The following SPPL3 variants were observed in gnomAD, a reference collection of about 807,000 sequenced individuals.
SPPL3 encodes the protein signal peptide peptidase like 3.
Under a neutral mutation model 42.4 loss-of-function variants are expected in SPPL3, and 5 were observed. The observed-to-expected ratio is 0.12, with a 90% CI of 0.06 to 0.25. SPPL3 has a LOEUF of 0.25. Ranked by LOEUF, SPPL3 falls within the 10% of genes least tolerant of loss-of-function variation. SPPL3 has a pLI of 1.00. For synonymous variants in SPPL3, 195 were observed against 181.8 expected (o/e 1.07, Z -0.58); for missense variants, 235 against 489.0 (o/e 0.48, Z 4.90).
intron 1 of SPPL3, among the ~76,000 whole-genome samples, chr12:120,862,045 A>G (rs911573761): frequency 1.3e-5 from 2 of 152,222 alleles, no homozygotes; most frequent in Non-Finnish European, 2.9e-5. Context: ...TAATGTCCAC[A>G]GTGTCCAGAG....
chr12:120,853,789 C>G (rs148664467), intron 1 of SPPL3, among the ~76,000 whole-genome samples: 1 of 152,212 alleles, frequency 6.6e-6, no homozygotes, highest in East Asian at 1.9e-4. Flanking sequence ...GATGCTACTA[C>G]TAGTCCAAAG....
intron 1 of SPPL3, among the ~76,000 whole-genome samples, chr12:120,890,456 G>A (rs1947552417): frequency 6.6e-6 from 1 of 151,576 alleles, no homozygotes; most frequent in Non-Finnish European, 1.5e-5. Context: ...GGGCGTGGTG[G>A]CAGGCGCCTA....
chr12:120,894,809 C>G (rs759607123), intron 1 of SPPL3, among the ~76,000 whole-genome samples: 1 of 151,976 alleles, frequency 6.6e-6, no homozygotes, highest in South Asian at 2.1e-4. Flanking sequence ...TAGCTGGGTG[C>G]GGTGGCGCAT....
chr12:120,902,696 G>C (rs907784882), intron 1 of SPPL3, among the ~76,000 whole-genome samples: 2 of 152,162 alleles, frequency 1.3e-5, no homozygotes, highest in African/African-American at 4.8e-5. Flanking sequence ...TCTTTTCTAA[G>C]AAGGGAATGT....
chr12:120,780,752 A>C (rs529862559), intron 6 of SPPL3, among the ~76,000 whole-genome samples: 7 of 147,406 alleles, frequency 4.7e-5, no homozygotes, highest in East Asian at 2.0e-4. Context: ...AAAAAAAAAA[A>C]CAAAACAAAA....
chr12:120,891,597 G>A (rs1260034403), intron 1 of SPPL3, among the ~76,000 whole-genome samples: 1 of 152,052 alleles, frequency 6.6e-6, no homozygotes, highest in Admixed American at 6.6e-5. Flanking sequence ...TCCTGAAATA[G>A]TAGTGAGAGA....
chr12:120,842,719 A>G (rs594507), intron 1 of SPPL3, among the ~76,000 whole-genome samples: 43,921 of 151,860 alleles, frequency 0.29, 7,689 homozygotes, highest in Non-Finnish European at 0.4. Context: ...CCCATTAACG[A>G]GGGCTGTGCC....
chr12:120,841,417 T>TA (rs1174440974), intron 1 of SPPL3, among the ~76,000 whole-genome samples: 2 of 126,200 alleles, frequency 1.6e-5, no homozygotes, highest in Non-Finnish European at 3.4e-5. Context: ...ACTTTTAAGT[T>TA]AAAAAAATAG....
chr12:120,766,153 C>G, intron 10 of SPPL3, 110 bp downstream of exon 10: 1 of 836,932 alleles, frequency 1.2e-6, no homozygotes. Flanking sequence ...GTCGAGATCA[C>G]AAGCTCACTC....
At chr12:120,794,996 T>C (rs1023974069) in intron 2 of SPPL3, among the ~76,000 whole-genome samples, 43 of 152,254 alleles carry the variant, frequency 2.8e-4, no homozygotes, top group Non-Finnish European at 5.4e-4. Context: ...TATAAACTCC[T>C]TACAATAGTT....
At chr12:120,827,155 TA>T (rs929735847) in intron 1 of SPPL3, among the ~76,000 whole-genome samples, 29 of 151,762 alleles carry the variant, frequency 1.9e-4, no homozygotes, top group Non-Finnish European at 4.4e-5. Flanking sequence ...TTCCTCTATA[TA>T]GGGGGGCCAC....
chr12:120,821,277 T>C (rs1871059277), intron 1 of SPPL3, among the ~76,000 whole-genome samples: 1 of 152,248 alleles, frequency 6.6e-6, no homozygotes, highest in Admixed American at 6.5e-5. Context: ...CTTTTTCCTA[T>C]GAATTATCCT....
intron 1 of SPPL3, among the ~76,000 whole-genome samples, chr12:120,824,999 G>GC (rs1214938342): frequency 6.6e-6 from 1 of 151,634 alleles, no homozygotes; most frequent in African/African-American, 2.4e-5. Flanking sequence ...GGGTAAACAT[G>GC]CCCCCCACCC....
chr12:120,772,025 CTTTT>C (rs976951878), intron 6 of SPPL3, among the ~76,000 whole-genome samples: 2 of 152,122 alleles, frequency 1.3e-5, no homozygotes, highest in African/African-American at 2.4e-5. Flanking sequence ...TGCTGCTGCT[CTTTT>C]TTTGTTTTTT....
At chr12:120,791,653 G>T (rs950880001) in intron 2 of SPPL3, 96 bp from the exon 3 acceptor site, 2 of 766,736 alleles carry the variant, frequency 2.6e-6, no homozygotes, top group African/African-American at 3.5e-5. Context: ...AAGGAATTAG[G>T]AAAGAAGGTC....
chr12:120,885,629 G>A (rs541417817), intron 1 of SPPL3, among the ~76,000 whole-genome samples: 1 of 152,106 alleles, frequency 6.6e-6, no homozygotes, highest in African/African-American at 2.4e-5. Flanking sequence ...TTAATCCTCT[G>A]TCACTGGAGC....
In SPPL3 at chr12:120,768,941, A is replaced by C; in HGVS notation, c.609+12T>G. On this transcript the variant is annotated intron_variant, in intron 7 of 10. Coordinates refer to ENST00000353487, the MANE Select transcript of SPPL3 (RefSeq NM_139015.5). Reference sequence around the variant, plus strand: ...AAAGAAGGGGAGGAGCTCCAAGGACATAAACGCTTACCCAAAAGACATCAT... The same window carrying C: ...AAAGAAGGGGAGGAGCTCCAAGGACCTAAACGCTTACCCAAAAGACATCAT... 6.3e-7 allele frequency: 1 copy of C among 1,597,096 alleles called. No individual in the cohort carries two copies. The highest frequency in any genetic ancestry group is 8.5e-7 in the Non-Finnish European group (1 of 1,171,708).
chr12:120,861,171 C>T lies in SPPL3; in HGVS notation c.23+42674G>A, dbSNP rs1283311811. Among the ~76,000 whole-genome samples the T allele has an allele frequency of 5.3e-5, 8 of 152,088 alleles. 1 individual carries two copies. Among genetic ancestry groups the T allele is most frequent in the Admixed American group, 2.0e-4 (3 of 15,266 alleles). On this transcript the variant is annotated intron_variant, in intron 1 of 10. Transcript: ENST00000353487. ...GACTAAATCATGAATGTGGAACCCA[C>T]AGAGACAGGGCCAACTGTTCTCAAA...
chr12:120,789,397 T>C (rs556338218), intron 3 of SPPL3, among the ~76,000 whole-genome samples: 93 of 139,552 alleles, frequency 6.7e-4, no homozygotes, highest in African/African-American at 2.2e-3. Flanking sequence ...GAGGATGCAG[T>C]CAGCAGAGAC....
Sources: gnomAD v4.1 joint callset for allele counts (sites outside exome capture counted in the v4.1 genomes callset) on GRCh38, gnomAD v4.1.1 for gene constraint, MANE v1.5 for transcripts, NCBI Gene and HGNC (gene_info 2026-07-23, HGNC 2026-07-21) for gene names.